NRP1: variants seen among roughly 807,000 people sequenced by gnomAD.
NRP1 encodes neuropilin-1.
NRP1 carries 35 observed loss-of-function variants against 106.7 expected under a neutral mutation model. The observed-to-expected ratio is 0.33, with a 90% CI of 0.25 to 0.43. The LOEUF (loss-of-function observed/expected upper bound fraction) is 0.43. NRP1 is among the 20% of genes least tolerant of loss of function. NRP1 has a pLI of 1.00. For synonymous variants in NRP1, 437 were observed against 417.9 expected, an observed-to-expected ratio of 1.05 and a Z score of -0.56; for missense variants, 1,024 against 1,170.4, an observed-to-expected ratio of 0.87 and a Z score of 1.83.
chr10:33,308,580 G>A (rs1846338763), intron 2 of NRP1, among the ~76,000 whole-genome samples: 1 of 151,790 alleles, frequency 6.6e-6, no homozygotes, highest in African/African-American at 2.4e-5. Flanking sequence ...TCTGCCTCCC[G>A]GGTTCAAGTG....
At chr10:33,254,005 A>T in intron 6 of NRP1, 23 bp downstream of exon 6, 1 of 1,582,394 alleles carries the variant, frequency 6.3e-7, no homozygotes, top group Non-Finnish European at 8.6e-7. Context: ...AATCCTAGAT[A>T]GGCTTGATCT....
At chr10:33,319,777 G>T (rs1242202309) in intron 2 of NRP1, among the ~76,000 whole-genome samples, 1 of 150,870 alleles carries the variant, frequency 6.6e-6, no homozygotes, top group Non-Finnish European at 1.5e-5. Flanking sequence ...TAGTGGAGAC[G>T]GGGTTTCACC....
intron 10 of NRP1, 47 bp downstream of exon 10, chr10:33,207,525 A>G (rs572488895): frequency 6.2e-7 from 1 of 1,608,718 alleles, no homozygotes; most frequent in South Asian, 1.1e-5. Context: ...TGCATGGAAG[A>G]GGAAATTTAA....
At chr10:33,309,077 ATAT>A (rs1430717419) in intron 2 of NRP1, among the ~76,000 whole-genome samples, 1 of 152,174 alleles carries the variant, frequency 6.6e-6, no homozygotes, top group Non-Finnish European at 1.5e-5. Context: ...ATTTTCTAAA[ATAT>A]TATTTTTATG....
At chr10:33,203,027 A>C (rs1588713151) in intron 10 of NRP1, 32 bp from the exon 11 acceptor site, 1 of 1,574,774 alleles carries the variant, frequency 6.4e-7, no homozygotes, top group Non-Finnish European at 8.6e-7. Flanking sequence ...ATTATCTCAC[A>C]CCTTGGAAAT....
At chr10:33,328,014 G>T (rs1848013265) in intron 2 of NRP1, among the ~76,000 whole-genome samples, 1 of 151,934 alleles carries the variant, frequency 6.6e-6, no homozygotes, top group South Asian at 2.1e-4. Context: ...CCTTCACAGA[G>T]AGCAAAGCCT....
rs200959306 is a variant in NRP1, at chr10:33,263,848, T to C, written c.456A>G (p.Thr152=). Residue 152 remains threonine, a synonymous_variant, in exon 4 of 17, where the codon ACA becomes ACG. Transcript: ENST00000374867. ...KRGPECSQNY[T]TPSGVIKSPG... ...GGGACTTTATCACTCCACTAGGTGT[T>C]GTGTAGTTCTGGGAACATTCAGGAC... 1.1e-4 allele frequency: 181 copies of C among 1,612,778 alleles called. No homozygotes were observed. Among genetic ancestry groups the C allele is most frequent in the Non-Finnish European group, 1.5e-4 (172 of 1,178,780 alleles).
intron 13 of NRP1, among the ~76,000 whole-genome samples, chr10:33,191,685 A>G (rs185777373): frequency 2.3e-4 from 35 of 152,310 alleles, no homozygotes; most frequent in Admixed American, 6.5e-4. Flanking sequence ...GTTCAGAAAA[A>G]GTATAAGATG....
At chr10:33,182,988 C>T (rs1835781479) in intron 15 of NRP1, among the ~76,000 whole-genome samples, 1 of 152,050 alleles carries the variant, frequency 6.6e-6, no homozygotes, top group African/African-American at 2.4e-5. Flanking sequence ...TTTAAGGTGC[C>T]ATATCTAAAT....
At chr10:33,205,176 C>A (rs1837669138) in intron 10 of NRP1, among the ~76,000 whole-genome samples, 1 of 152,196 alleles carries the variant, frequency 6.6e-6, no homozygotes, top group Non-Finnish European at 1.5e-5. Flanking sequence ...TAATAAGGGC[C>A]TGTTAACTGA....
intron 2 of NRP1, among the ~76,000 whole-genome samples, chr10:33,272,073 G>T (rs1843343843): frequency 6.6e-6 from 1 of 152,188 alleles, no homozygotes; most frequent in African/African-American, 2.4e-5. Context: ...CAAAGTGGGG[G>T]AAATCTTCAT....
At chr10:33,185,564 C>A in intron 15 of NRP1, 64 bp downstream of exon 15, 2 of 1,236,814 alleles carry the variant, frequency 1.6e-6, no homozygotes, top group Non-Finnish European at 2.4e-6. Flanking sequence ...CAAAGACCAT[C>A]ATATTGGCAA....
chr10:33,261,094 C>T (rs1209790435), intron 4 of NRP1, among the ~76,000 whole-genome samples: 1 of 147,620 alleles, frequency 6.8e-6, no homozygotes, highest in Non-Finnish European at 1.5e-5. Context: ...TAAATATTAA[C>T]AAATATACAA....
chr10:33,193,362 G>A (rs1207096978), intron 12 of NRP1, among the ~76,000 whole-genome samples: 3 of 152,154 alleles, frequency 2.0e-5, no homozygotes, highest in Non-Finnish European at 2.9e-5. Context: ...TATGACTGTT[G>A]TTTTGGTAAA....
At chr10:33,241,076 T>C (rs1840976308) in intron 6 of NRP1, among the ~76,000 whole-genome samples, 1 of 152,200 alleles carries the variant, frequency 6.6e-6, no homozygotes, top group Non-Finnish European at 1.5e-5. Flanking sequence ...AAGAAAATCT[T>C]GTGTAATTAG....
At chr10:33,304,523 T>C (rs900752588) in intron 2 of NRP1, among the ~76,000 whole-genome samples, 2 of 152,152 alleles carry the variant, frequency 1.3e-5, no homozygotes, top group Non-Finnish European at 2.9e-5. Context: ...GTCTTCCCAC[T>C]CTTTAGCACT....
chr10:33,225,549 A>T (rs1564399748), intron 7 of NRP1, among the ~76,000 whole-genome samples: 1 of 152,236 alleles, frequency 6.6e-6, no homozygotes, highest in Non-Finnish European at 1.5e-5. Context: ...GCTAGGGCAG[A>T]GCGCCGAGGG....
chr10:33,208,842 G>GA (rs1463051809), intron 9 of NRP1, among the ~76,000 whole-genome samples: 2 of 142,980 alleles, frequency 1.4e-5, no homozygotes, highest in Non-Finnish European at 3.0e-5. Flanking sequence ...CCTTTCCACT[G>GA]AAAAAAATCT....
At chr10:33,287,806 T>C (rs1844688316) in intron 2 of NRP1, among the ~76,000 whole-genome samples, 3 of 152,176 alleles carry the variant, frequency 2.0e-5, no homozygotes, top group Admixed American at 1.3e-4. Flanking sequence ...GTGACTAGGA[T>C]ATCAATCAAT....
Sources: allele counts gnomAD v4.1 joint callset (sites outside exome capture counted in the v4.1 genomes callset), GRCh38; gene constraint gnomAD v4.1.1; transcripts MANE v1.5; gene names NCBI Gene and HGNC (gene_info 2026-07-23, HGNC 2026-07-21).